DDC: variants seen among roughly 807,000 people sequenced by gnomAD.
DDC encodes dopa decarboxylase, also known as aromatic-L-amino-acid decarboxylase.
In DDC, 43 loss-of-function variants were observed where a neutral mutation model predicts 60.0. That is an observed-to-expected ratio of 0.72 (90% confidence interval 0.56 to 0.92). The LOEUF (loss-of-function observed/expected upper bound fraction) is 0.92, where lower values mean the gene tolerates loss of function less well. DDC is among the 40% of genes least tolerant of loss of function. DDC has a pLI of 0.00. For synonymous variants in DDC, 232 were observed against 234.6 expected (o/e 0.99, Z 0.10); for missense variants, 573 against 620.2 (o/e 0.92, Z 0.81).
chr7:50,470,887 A>C (rs1314082095), intron 11 of DDC, among the ~76,000 whole-genome samples: 1 of 152,208 alleles, frequency 6.6e-6, no homozygotes, highest in Non-Finnish European at 1.5e-5. Flanking sequence ...GCATAGCAGC[A>C]CTGTGTGGTC....
At chr7:50,546,670 T>C (rs1413365493) in intron 1 of DDC, among the ~76,000 whole-genome samples, 1 of 152,246 alleles carries the variant, frequency 6.6e-6, no homozygotes, top group Non-Finnish European at 1.5e-5. Context: ...ACTTCCATGT[T>C]CTCTGTTAAA....
intron 1 of DDC, among the ~76,000 whole-genome samples, chr7:50,551,251 G>A (rs1430349691): frequency 3.7e-5 from 5 of 136,442 alleles, no homozygotes; most frequent in Non-Finnish European, 7.8e-5. Flanking sequence ...TTTTTTTTGA[G>A]ACGGGGCCTC....
intron 6 of DDC, among the ~76,000 whole-genome samples, chr7:50,511,788 G>A (rs932583654): frequency 5.9e-5 from 9 of 151,754 alleles, no homozygotes; most frequent in African/African-American, 1.9e-4. Context: ...AAGAAAAGAT[G>A]GAATTCTATA....
At chr7:50,523,286 C>T (rs879336090) in intron 6 of DDC, among the ~76,000 whole-genome samples, 6 of 151,952 alleles carry the variant, frequency 3.9e-5, no homozygotes, top group Admixed American at 2.0e-4. Flanking sequence ...GAGACCACAC[C>T]AAAAACATGA....
intron 1 of DDC, among the ~76,000 whole-genome samples, chr7:50,547,574 A>G (rs773059097): frequency 1.3e-5 from 2 of 152,216 alleles, no homozygotes; most frequent in Non-Finnish European, 2.9e-5. Flanking sequence ...TGAATGTGCC[A>G]TATTCACAAC....
intron 6 of DDC, among the ~76,000 whole-genome samples, chr7:50,504,516 A>T (rs1259633992): frequency 3.3e-5 from 5 of 150,894 alleles, no homozygotes; most frequent in African/African-American, 4.9e-5. Context: ...CCATATATAC[A>T]TTTTAATTTA....
intron 1 of DDC, among the ~76,000 whole-genome samples, chr7:50,551,342 C>T (rs571816103): frequency 2.6e-5 from 4 of 151,860 alleles, no homozygotes; most frequent in East Asian, 1.9e-4. Context: ...GCAATTCTCC[C>T]GCCTTGACCT....
At chr7:50,512,131 A>C (rs2043597204) in intron 6 of DDC, among the ~76,000 whole-genome samples, 1 of 152,202 alleles carries the variant, frequency 6.6e-6, no homozygotes, top group Non-Finnish European at 1.5e-5. Context: ...AGACCCAACT[A>C]TATTTTCTGT....
At chr7:50,528,013 C>T in intron 6 of DDC, 124 bp downstream of exon 6, 4 of 1,153,470 alleles carry the variant, frequency 3.5e-6, no homozygotes, top group Non-Finnish European at 4.8e-6. Flanking sequence ...TCTCCTGCCT[C>T]AGCTTCCCGA....
At chr7:50,491,111 C>T (rs1004947415) in intron 9 of DDC, among the ~76,000 whole-genome samples, 2 of 151,880 alleles carry the variant, frequency 1.3e-5, no homozygotes, top group Admixed American at 6.6e-5. Context: ...CCTTTTTAAT[C>T]GTGATTTGAA....
At chr7:50,502,192 G>C (rs1486696092) in intron 7 of DDC, among the ~76,000 whole-genome samples, 1 of 152,206 alleles carries the variant, frequency 6.6e-6, no homozygotes, top group Non-Finnish European at 1.5e-5. Flanking sequence ...AGCAACCTCA[G>C]TGTTTCAAAC....
At chr7:50,528,960 C>T (rs1229067445) in intron 5 of DDC, among the ~76,000 whole-genome samples, 2 of 152,128 alleles carry the variant, frequency 1.3e-5, no homozygotes, top group Admixed American at 6.6e-5. Context: ...AACAGAAGTC[C>T]GCACTGGTAG....
intron 9 of DDC, 90 bp from the exon 10 acceptor site, chr7:50,479,953 A>T: frequency 1.1e-6 from 1 of 950,054 alleles, no homozygotes; most frequent in Non-Finnish European, 1.6e-6. Context: ...CAGCTCAGGC[A>T]CCTGCTCCCA....
At chr7:50,460,365 G>A (rs1347990754) in intron 14 of DDC, among the ~76,000 whole-genome samples, 7 of 147,262 alleles carry the variant, frequency 4.8e-5, no homozygotes, top group African/African-American at 1.8e-4. Context: ...GAGGTGGGAG[G>A]GTCAGCCCCC....
At chr7:50,477,533 C>A (rs1243381468) in intron 10 of DDC, 2 of 456,716 alleles carry the variant, frequency 4.4e-6, no homozygotes, top group African/African-American at 2.0e-5. Flanking sequence ...CCACCTAATA[C>A]AACCCACGCC....
chr7:50,559,574 C>A (rs553073353), intron 1 of DDC, among the ~76,000 whole-genome samples: 1 of 152,242 alleles, frequency 6.6e-6, no homozygotes, highest in East Asian at 1.9e-4. Flanking sequence ...ACTATAGGCA[C>A]GCACAACCAC....
At chr7:50,516,241 G>A (rs987825318) in intron 6 of DDC, among the ~76,000 whole-genome samples, 8 of 152,186 alleles carry the variant, frequency 5.3e-5, no homozygotes, top group African/African-American at 1.9e-4. Flanking sequence ...TCAGACCACA[G>A]TGGAATAAAA....
At chr7:50,514,863 A>G (rs1000742712) in intron 6 of DDC, among the ~76,000 whole-genome samples, 5 of 152,228 alleles carry the variant, frequency 3.3e-5, no homozygotes, top group Admixed American at 3.3e-4. Context: ...ACGCAATCCA[A>G]CAAAGATAAA....
intron 2 of DDC, among the ~76,000 whole-genome samples, chr7:50,541,622 G>A (rs1354968937): frequency 6.6e-6 from 1 of 152,172 alleles, no homozygotes; most frequent in Admixed American, 6.5e-5. Flanking sequence ...ACGGCTGTCT[G>A]TAAACCAGGA....
Sources: gnomAD v4.1 joint callset for allele counts (sites outside exome capture counted in the v4.1 genomes callset) on GRCh38, gnomAD v4.1.1 for gene constraint, MANE v1.5 for transcripts, NCBI Gene and HGNC (gene_info 2026-07-23, HGNC 2026-07-21) for gene names.